Variants in JMJD1C observed in about 807,000 individuals in gnomAD.
JMJD1C encodes jumonji domain containing 1C.
A neutral mutation model predicts 245.3 loss-of-function variants in JMJD1C; 31 were observed. The ratio of observed to expected loss-of-function variants is 0.13; its 90% CI spans 0.09 to 0.17. JMJD1C has a LOEUF of 0.17. Ranked by LOEUF, JMJD1C falls within the 10% of genes least tolerant of loss-of-function variation. JMJD1C has a pLI of 1.00. For missense variants in JMJD1C, 2,691 were observed against 3,000.2 expected (o/e 0.90, Z 2.41); for synonymous variants, 1,057 against 1,017.4 (o/e 1.04, Z -0.74).
In JMJD1C at chr10:63,214,556, C is replaced by T. The variant is rs897135842; in HGVS notation, c.1611G>A (p.Met537Ile). 7.4e-6 allele frequency: 12 copies of T among 1,613,726 alleles called. No homozygotes were observed. The Middle Eastern group carries it at 4.9e-4, about 66-fold the overall frequency. ...GTTTTGAATCACTAACATTAGGATC[C>T]ATTTTCTGAAGTGTCTGAAGGCCAA... ...STFGLQTLQK[M>I]DPNVSDSKHS... Residue 537 changes from methionine to isoleucine, a missense_variant, in exon 8 of 26, where the codon ATG (methionine) becomes ATA (isoleucine). Transcript: ENST00000399262.
intron 1 of JMJD1C, among the ~76,000 whole-genome samples, chr10:63,430,298 A>G (rs1404792437): frequency 2.0e-5 from 3 of 152,244 alleles, no homozygotes; most frequent in Non-Finnish European, 2.9e-5. Context: ...GGTTTCTTAG[A>G]TGTGACACCA....
chr10:63,394,413 T>C (rs1446177648), intron 1 of JMJD1C, among the ~76,000 whole-genome samples: 1 of 152,210 alleles, frequency 6.6e-6, no homozygotes, highest in Non-Finnish European at 1.5e-5. Context: ...ATTCAATCCA[T>C]ACTATATACA....
At chr10:63,356,909 T>C (rs1024392104) in intron 2 of JMJD1C, among the ~76,000 whole-genome samples, 1 of 152,226 alleles carries the variant, frequency 6.6e-6, no homozygotes, top group African/African-American at 2.4e-5. Context: ...AACTACCCTA[T>C]GCCTGTTTAT....
chr10:63,422,186 T>C (rs891218277), intron 1 of JMJD1C, among the ~76,000 whole-genome samples: 1 of 152,078 alleles, frequency 6.6e-6, no homozygotes, highest in Non-Finnish European at 1.5e-5. Context: ...TCGAGGTGGG[T>C]GGATCACCTG....
At chr10:63,352,792 T>C (rs72835383) in intron 2 of JMJD1C, among the ~76,000 whole-genome samples, 7,797 of 152,122 alleles carry the variant, frequency 0.051, 297 homozygotes, top group African/African-American at 0.11. Context: ...TAATAGAACA[T>C]GGATCAAAAA....
In JMJD1C at chr10:63,264,637, C is replaced by A. The variant is rs1310801891; in HGVS notation, c.447+14G>T. 3 of 1,158,816 alleles carry A rather than the reference C, an allele frequency of 2.6e-6. No individual in the cohort carries two copies. Among genetic ancestry groups the A allele is most frequent in the East Asian group, 2.5e-5 (1 of 40,208 alleles). The allele number at this position is 1,158,816 out of a possible 1,614,324, so 71.8% of individuals were successfully genotyped here. A position where few individuals can be genotyped will look rare whatever the true frequency, so the allele number is the denominator to read the frequency against. On this transcript the variant is annotated intron_variant, in intron 3 of 25. Coordinates refer to ENST00000399262, the MANE Select transcript of JMJD1C (RefSeq NM_032776.3). Reference sequence around the variant, plus strand: ...TTAACCTTTAATTTTAAAAAGTAATCTAAAATTTCTTACCTGGTAGGGCTG... The same window carrying A: ...TTAACCTTTAATTTTAAAAAGTAATATAAAATTTCTTACCTGGTAGGGCTG...
chr10:63,264,692 G>A lies in JMJD1C; in HGVS notation c.406C>T (p.Leu136=). 1.3e-6 allele frequency: 2 copies of A among 1,593,070 alleles called. No individual in the cohort carries two copies. Among genetic ancestry groups the A allele is most frequent in the Non-Finnish European group, 8.6e-7 (1 of 1,168,094 alleles). ...GCACTATCTTCAGTTAAAAAATCCA[G>A]TTGCTTATCTACAAGGAATTCTACT... ...TAVEFLVDKQ[L]DFLTEDSAFQ... Residue 136 remains leucine (L), a synonymous_variant, in exon 3 of 26, where the codon CTG becomes TTG. Transcript: ENST00000399262.
chr10:63,265,162 GTTA>G (rs1179538855), intron 2 of JMJD1C, among the ~76,000 whole-genome samples: 1 of 151,820 alleles, frequency 6.6e-6, no homozygotes, highest in Non-Finnish European at 1.5e-5. Context: ...AAAGAGAGTA[GTTA>G]TTATTTCAAT....
chr10:63,343,172 G>A (rs568184322), intron 2 of JMJD1C, among the ~76,000 whole-genome samples: 1 of 152,154 alleles, frequency 6.6e-6, no homozygotes, highest in East Asian at 1.9e-4. Flanking sequence ...GACCAGCCTG[G>A]ACAACATGGC....
intron 1 of JMJD1C, among the ~76,000 whole-genome samples, chr10:63,465,072 G>A (rs1332651948): frequency 1.3e-5 from 2 of 152,224 alleles, no homozygotes; most frequent in East Asian, 3.9e-4. Flanking sequence ...ACAGCACTAT[G>A]AAGACTTTTC....
intron 1 of JMJD1C, among the ~76,000 whole-genome samples, chr10:63,473,214 T>G (rs17741598): frequency 0.028 from 4,239 of 152,190 alleles, 88 homozygotes; most frequent in Middle Eastern, 0.044. Context: ...GTAAAACAAA[T>G]GCTCTGTTGT....
intron 1 of JMJD1C, among the ~76,000 whole-genome samples, chr10:63,405,608 C>G (rs1036271413): frequency 6.6e-6 from 1 of 152,176 alleles, no homozygotes; most frequent in African/African-American, 2.4e-5. Flanking sequence ...CAGGCATGAG[C>G]CACAGCGCCC....
chr10:63,201,884 T>G, intron 10 of JMJD1C, among the ~76,000 whole-genome samples: 1 of 145,990 alleles, frequency 6.8e-6, no homozygotes, highest in Admixed American at 6.9e-5. Context: ...GAGCCAACAT[T>G]GCGCCACTGC....
At chr10:63,283,515 C>T (rs529854448) in intron 2 of JMJD1C, among the ~76,000 whole-genome samples, 2 of 151,942 alleles carry the variant, frequency 1.3e-5, no homozygotes, top group African/African-American at 2.4e-5. Context: ...TACAGGCGCC[C>T]GCCACCACAC....
intron 10 of JMJD1C, among the ~76,000 whole-genome samples, chr10:63,201,041 A>G (rs1421263334): frequency 6.6e-6 from 1 of 152,216 alleles, no homozygotes; most frequent in Non-Finnish European, 1.5e-5. Flanking sequence ...TTCTATACCA[A>G]AAGTTGGTTT....
chr10:63,343,023 A>G (rs1047487480), intron 2 of JMJD1C, among the ~76,000 whole-genome samples: 4 of 152,162 alleles, frequency 2.6e-5, no homozygotes, highest in African/African-American at 9.7e-5. Context: ...AAACACTTCC[A>G]GCCCCAAGCA....
intron 2 of JMJD1C, among the ~76,000 whole-genome samples, chr10:63,298,428 T>C (rs1420779571): frequency 6.6e-6 from 1 of 152,166 alleles, no homozygotes; most frequent in African/African-American, 2.4e-5. Flanking sequence ...TGGCAACCTT[T>C]TGCAATCCTG....
intron 2 of JMJD1C, among the ~76,000 whole-genome samples, chr10:63,336,419 C>T (rs1942738909): frequency 6.6e-6 from 1 of 152,086 alleles, no homozygotes; most frequent in Non-Finnish European, 1.5e-5. Context: ...GATTGCACTA[C>T]TGAACTCCAG....
intron 3 of JMJD1C, among the ~76,000 whole-genome samples, chr10:63,257,317 T>C (rs1854109680): frequency 6.6e-6 from 1 of 152,126 alleles, no homozygotes; most frequent in Non-Finnish European, 1.5e-5. Context: ...ATCCTGGTTT[T>C]CCAATTCTGC....
Sources: gnomAD v4.1 joint callset for allele counts (sites outside exome capture counted in the v4.1 genomes callset) on GRCh38, gnomAD v4.1.1 for gene constraint, MANE v1.5 for transcripts, NCBI Gene and HGNC (gene_info 2026-07-23, HGNC 2026-07-21) for gene names.